The following BCAT1 variants were observed in gnomAD, a reference collection of about 807,000 sequenced individuals.
BCAT1 encodes the protein branched chain amino acid transaminase 1.
In BCAT1, 48 loss-of-function variants were observed where a neutral mutation model predicts 52.4. The ratio of observed to expected loss-of-function variants is 0.92; its 90% CI spans 0.73 to 1.16. BCAT1 has a LOEUF of 1.16. BCAT1 is among the 50% of genes most tolerant of loss of function. The probability of loss-of-function intolerance (pLI) is 0.00; values close to 1 mark genes in which losing one functional copy is unlikely to be tolerated. For missense variants in BCAT1, 451 were observed against 457.1 expected, an observed-to-expected ratio of 0.99 and a Z score of 0.12; for synonymous variants, 167 against 161.3, an observed-to-expected ratio of 1.04 and a Z score of -0.27.
chr12:24,825,951 C>A (rs376955475), intron 10 of BCAT1, among the ~76,000 whole-genome samples: 2 of 152,140 alleles, frequency 1.3e-5, no homozygotes, highest in East Asian at 3.8e-4. Context: ...GTGGCTTATG[C>A]TAGTAATCTC....
At chr12:24,923,602 G>A (rs1488320909) in intron 1 of BCAT1, among the ~76,000 whole-genome samples, 2 of 152,088 alleles carry the variant, frequency 1.3e-5, no homozygotes, top group Non-Finnish European at 2.9e-5. Context: ...TAGAGTTGAG[G>A]TTTTGCCATG....
chr12:24,823,428 T>C (rs545042206), intron 10 of BCAT1, among the ~76,000 whole-genome samples: 2 of 152,272 alleles, frequency 1.3e-5, no homozygotes, highest in African/African-American at 2.4e-5. Flanking sequence ...GTACCTAGAA[T>C]AGCCCCTGCA....
At chr12:24,918,747 T>C (rs1943456763) in intron 1 of BCAT1, among the ~76,000 whole-genome samples, 1 of 152,230 alleles carries the variant, frequency 6.6e-6, no homozygotes, top group Admixed American at 6.5e-5. Context: ...CACTGTGACC[T>C]GATCGAGGAC....
At chr12:24,860,190 T>C (rs1435370674) in intron 5 of BCAT1, among the ~76,000 whole-genome samples, 1 of 152,196 alleles carries the variant, frequency 6.6e-6, no homozygotes, top group Non-Finnish European at 1.5e-5. Flanking sequence ...TGCAGGTTTC[T>C]GAAAAATTTT....
chr12:24,941,194 C>T (rs10505954), intron 1 of BCAT1, among the ~76,000 whole-genome samples: 32,335 of 152,090 alleles, frequency 0.21, 3,698 homozygotes, highest in East Asian at 0.33. Flanking sequence ...TATGTAGCAT[C>T]TTTTTGTATG....
chr12:24,949,106 C>T, upstream of BCAT1: 1 of 610,582 alleles, frequency 1.6e-6, no homozygotes, highest in Admixed American at 3.1e-5. Context: ...GATTGCAGAC[C>T]GGCCCTCTCG....
intron 5 of BCAT1, among the ~76,000 whole-genome samples, chr12:24,854,987 GC>G: frequency 6.6e-6 from 1 of 151,940 alleles, no homozygotes; most frequent in East Asian, 1.9e-4. Flanking sequence ...AGTGCCCCCC[GC>G]CCCTGAGCAT....
chr12:24,922,501 T>C (rs1397101448), intron 1 of BCAT1, among the ~76,000 whole-genome samples: 1 of 152,196 alleles, frequency 6.6e-6, no homozygotes, highest in Non-Finnish European at 1.5e-5. Context: ...ATTTTACATA[T>C]GAGAAAATTG....
intron 2 of BCAT1, among the ~76,000 whole-genome samples, chr12:24,900,482 A>G (rs946798224): frequency 1.6e-4 from 25 of 152,170 alleles, no homozygotes; most frequent in African/African-American, 6.0e-4. Flanking sequence ...CAGGTACTTG[A>G]GAGGCTAAGA....
intron 10 of BCAT1, among the ~76,000 whole-genome samples, chr12:24,824,962 G>A (rs1032038596): frequency 6.6e-6 from 1 of 151,790 alleles, no homozygotes; most frequent in African/African-American, 2.4e-5. Flanking sequence ...TGTCTTCATA[G>A]GATCTACTTT....
At chr12:24,831,438 C>T (rs552910463) in intron 9 of BCAT1, among the ~76,000 whole-genome samples, 8 of 152,214 alleles carry the variant, frequency 5.3e-5, no homozygotes, top group African/African-American at 1.9e-4. Flanking sequence ...CACTTGAACT[C>T]AAGAGTTTGA....
intron 6 of BCAT1, among the ~76,000 whole-genome samples, chr12:24,844,500 G>A (rs1308621408): frequency 6.6e-6 from 1 of 152,158 alleles, no homozygotes; most frequent in African/African-American, 2.4e-5. Flanking sequence ...AAAGAATATT[G>A]ACTAATAGCT....
chr12:24,840,645 T>C lies in BCAT1; in HGVS notation c.817+1437A>G, dbSNP rs150097607. 7.6e-3 allele frequency among the ~76,000 whole-genome samples: 1,156 copies of C among 152,356 alleles called. 9 individuals are homozygous for C. Among genetic ancestry groups the C allele is most frequent in the African/African-American group, 0.027 (1,120 of 41,578 alleles). On this transcript the variant is annotated intron_variant, in intron 7 of 10. Coordinates refer to ENST00000261192, the MANE Select transcript of BCAT1 (RefSeq NM_005504.7). ...ATCTTCTGTTTATTCTACCTCTGAC[T>C]GCAGTATAAGACTCATCTTGTTAGT...
chr12:24,884,209 C>A (rs1720992680), intron 3 of BCAT1, among the ~76,000 whole-genome samples: 1 of 152,128 alleles, frequency 6.6e-6, no homozygotes, highest in Non-Finnish European at 1.5e-5. Context: ...ACATGGGGAA[C>A]CCGTTGGACA....
chr12:24,942,539 G>T (rs747624726), intron 1 of BCAT1, among the ~76,000 whole-genome samples: 3 of 134,618 alleles, frequency 2.2e-5, no homozygotes, highest in Non-Finnish European at 4.5e-5. Flanking sequence ...ACAAGACTCC[G>T]CCTCAAAAAA....
intron 2 of BCAT1, among the ~76,000 whole-genome samples, chr12:24,896,197 CT>C (rs1429770514): frequency 1.3e-5 from 2 of 152,104 alleles, no homozygotes; most frequent in Non-Finnish European, 2.9e-5. Flanking sequence ...TAATTTAAGA[CT>C]TTTTACTAAG....
intron 1 of BCAT1, among the ~76,000 whole-genome samples, chr12:24,925,723 G>C (rs1297043909): frequency 2.0e-5 from 3 of 152,188 alleles, no homozygotes; most frequent in Non-Finnish European, 2.9e-5. Flanking sequence ...CCGAGTGCCT[G>C]TGATTGCAGG....
intron 1 of BCAT1, among the ~76,000 whole-genome samples, chr12:24,939,696 G>A (rs1218508390): frequency 2.0e-5 from 3 of 152,158 alleles, no homozygotes; most frequent in Non-Finnish European, 4.4e-5. Flanking sequence ...AACTAGCCAA[G>A]CATGGTGGCA....
chr12:24,873,085 A>G (rs1942227629), intron 5 of BCAT1, among the ~76,000 whole-genome samples: 1 of 152,240 alleles, frequency 6.6e-6, no homozygotes, highest in South Asian at 2.1e-4. Context: ...ACTCAACAGG[A>G]CGAGGTTAAA....
Sources: allele counts gnomAD v4.1 joint callset (sites outside exome capture counted in the v4.1 genomes callset), GRCh38; gene constraint gnomAD v4.1.1; transcripts MANE v1.5; gene names NCBI Gene and HGNC (gene_info 2026-07-23, HGNC 2026-07-21).